Variants in ZNF254 observed in about 807,000 individuals in gnomAD.
ZNF254 encodes zinc finger protein 254.
Under a neutral mutation model 12.4 loss-of-function variants are expected in ZNF254, and 10 were observed. The observed-to-expected ratio is 0.80, with a 90% CI of 0.50 to 1.36. The LOEUF is 1.36. Ranked by LOEUF, ZNF254 falls within the 40% of genes most tolerant of loss-of-function variation. The pLI is 0.00. For synonymous variants in ZNF254, 305 were observed against 253.4 expected (o/e 1.20, Z -1.93); for missense variants, 996 against 763.9 (o/e 1.30, Z -3.58).
At chr19:24,107,496 A>G in intron 3 of ZNF254, 1 of 306,076 alleles carries the variant, frequency 3.3e-6, no homozygotes, top group East Asian at 5.5e-5. Context: ...AGATAGTTTA[A>G]GTGTATGGAA....
intron 3 of ZNF254, among the ~76,000 whole-genome samples, chr19:24,123,399 C>G (rs1974618233): frequency 6.6e-6 from 1 of 152,144 alleles, no homozygotes; most frequent in African/African-American, 2.4e-5. Context: ...GGAGTGTTCT[C>G]CATAACTCTG....
intron 2 of ZNF254, among the ~76,000 whole-genome samples, chr19:24,081,760 C>A (rs1382620375): frequency 6.6e-6 from 1 of 152,140 alleles, no homozygotes; most frequent in African/African-American, 2.4e-5. Flanking sequence ...TTCATTGACA[C>A]CTTTACCGTT....
At chr19:24,107,429 C>T in intron 3 of ZNF254, 1 of 388,768 alleles carries the variant, frequency 2.6e-6, no homozygotes, top group Non-Finnish European at 4.5e-6. Context: ...TAAATTTGTT[C>T]TAAAATTGAG....
upstream of ZNF254, among the ~76,000 whole-genome samples, chr19:24,085,735 GCAC>G (rs1972013896): frequency 1.3e-5 from 2 of 151,648 alleles, no homozygotes; most frequent in African/African-American, 4.8e-5. Flanking sequence ...TTGCGCCACT[GCAC>G]TTCAGCCTGG....
intron 1 of ZNF254, among the ~76,000 whole-genome samples, chr19:24,042,377 C>T (rs370779931): frequency 1.3e-5 from 2 of 152,196 alleles, no homozygotes; most frequent in East Asian, 1.9e-4. Flanking sequence ...CTGCCCGAGC[C>T]AGCATTGGCA....
chr19:24,045,026 C>T (rs1332464271), intron 1 of ZNF254, among the ~76,000 whole-genome samples: 2 of 152,122 alleles, frequency 1.3e-5, no homozygotes, highest in Admixed American at 1.3e-4. Flanking sequence ...TTGTTTTAAC[C>T]TGATTGTCTC....
Position 24,128,177 on chromosome 19 carries a change from G to T in ZNF254, c.*197G>T. 1 of 554,330 alleles carries T rather than the reference G, an allele frequency of 1.8e-6. No homozygotes were observed. The highest frequency in any genetic ancestry group is 2.9e-6 in the Non-Finnish European group (1 of 349,178). The allele number at this position is 554,330 out of a possible 1,614,324, so 34.3% of individuals were successfully genotyped here. ...CTTTAAATGATTGTCACACTTGATT[G>T]TAGGTAAGATAATTCATACTGGAGA... is the stretch of plus-strand genomic sequence containing the variant. On this transcript the variant is annotated 3_prime_UTR_variant, in exon 4 of 4. Transcript: ENST00000357002.
At chr19:24,050,837 T>A (rs1416374165) in intron 2 of ZNF254, among the ~76,000 whole-genome samples, 1 of 152,064 alleles carries the variant, frequency 6.6e-6, no homozygotes, top group Non-Finnish European at 1.5e-5. Flanking sequence ...CAGCTGGGAT[T>A]ACAGGCATGC....
chr19:24,063,800 T>C (rs1307707250), intron 2 of ZNF254: 1 of 151,872 alleles, frequency 6.6e-6, no homozygotes, highest in Non-Finnish European at 1.5e-5. Flanking sequence ...TTTTTTTGCT[T>C]TGGCTCTGCC....
chr19:24,107,940 T>G (rs1197107666), intron 3 of ZNF254, among the ~76,000 whole-genome samples: 1 of 152,168 alleles, frequency 6.6e-6, no homozygotes, highest in Non-Finnish European at 1.5e-5. Context: ...GGAGCTTGGA[T>G]AGTTGTAATT....
chr19:24,108,725 C>T (rs908824998), intron 3 of ZNF254, among the ~76,000 whole-genome samples: 5 of 152,040 alleles, frequency 3.3e-5, no homozygotes, highest in Admixed American at 1.3e-4. Flanking sequence ...CTTATTAATG[C>T]CACTCTCCAT....
rs745447205 is a variant in ZNF254, at chr19:24,127,456, G to A, written c.1456G>A (p.Gly486Arg). The change falls in exon 4 of 4, where the codon GGA (glycine) becomes AGA (arginine). Residue 486 changes from glycine (G) to arginine (R), a missense_variant. Physicochemically the swap from Gly to Arg is moderately radical, Grantham distance 125. Transcript: ENST00000357002. ...AACTAGACATAAGAGGATGCACACT[G>A]GAGAGAAACCCTACAAATGTGAAGA... ...TLTRHKRMHT[G>R]EKPYKCEECG... 2 of 1,612,196 alleles carry A rather than the reference G, an allele frequency of 1.2e-6. No homozygotes were observed. Among genetic ancestry groups the A allele is most frequent in the East Asian group, 2.2e-5 (1 of 44,766 alleles).
intron 2 of ZNF254, among the ~76,000 whole-genome samples, chr19:24,075,894 G>T (rs747321510): frequency 3.9e-5 from 6 of 152,168 alleles, no homozygotes; most frequent in Non-Finnish European, 7.3e-5. Flanking sequence ...TGCCAGGCCT[G>T]TTCCTTGCTG....
chr19:24,127,932 C>G lies in ZNF254; in HGVS notation c.1932C>G (p.His644Gln), dbSNP rs776131398. Residue 644 changes from histidine (H) to glutamine (Q), a missense_variant, in exon 4 of 4, where the codon CAC (histidine) becomes CAG (glutamine). Physicochemically the swap from His to Gln is conservative, Grantham distance 24 (BLOSUM62 0). Coordinates refer to ENST00000357002, the MANE Select transcript of ZNF254 (RefSeq NM_203282.4). ...GCAAAGCCTTTAATCGGTCCTCGCA[C>G]CTCACCACAGATAAGATAACTCATT... is the stretch of plus-strand genomic sequence containing the variant. ...KFGKAFNRSS[H>Q]LTTDKITHWR... 1.3e-6 allele frequency: 2 copies of G among 1,598,942 alleles called. No homozygotes were observed. Among genetic ancestry groups the G allele is most frequent in the South Asian group, 2.3e-5 (2 of 88,394 alleles).
intron 1 of ZNF254, among the ~76,000 whole-genome samples, chr19:24,103,163 AAT>A (rs532055304): frequency 4.0e-4 from 61 of 152,348 alleles, no homozygotes; most frequent in African/African-American, 1.5e-3. Context: ...GCCAGAAAAT[AAT>A]ATGATACTTT....
At chr19:24,085,426 A>ATCT (rs369443689), upstream of ZNF254, among the ~76,000 whole-genome samples, 1 of 105,668 alleles carries the variant, frequency 9.5e-6, no homozygotes, top group African/African-American at 3.6e-5. Flanking sequence ...ATATATATAT[A>ATCT]AAAACTAAGA....
intron 3 of ZNF254, among the ~76,000 whole-genome samples, chr19:24,111,195 A>G (rs1973657009): frequency 6.8e-6 from 1 of 146,520 alleles, no homozygotes. Context: ...GAGTGAGAAT[A>G]TGCAGTGTTT....
intron 3 of ZNF254, among the ~76,000 whole-genome samples, chr19:24,111,168 G>A (rs1973656052): frequency 7.4e-6 from 1 of 134,858 alleles, no homozygotes; most frequent in Non-Finnish European, 1.5e-5. Flanking sequence ...TGTTCTCATT[G>A]TTCAATTCCC....
intron 1 of ZNF254, among the ~76,000 whole-genome samples, chr19:24,038,287 T>C (rs56381451): frequency 6.6e-6 from 1 of 152,028 alleles, no homozygotes; most frequent in African/African-American, 2.4e-5. Flanking sequence ...ATGAAGACAT[T>C]AGTTTATTTT....
Sources: gnomAD v4.1 joint callset for allele counts (sites outside exome capture counted in the v4.1 genomes callset) on GRCh38, gnomAD v4.1.1 for gene constraint, MANE v1.5 for transcripts, NCBI Gene and HGNC (gene_info 2026-07-23, HGNC 2026-07-21) for gene names.